ABCA9: variants seen among roughly 807,000 people sequenced by gnomAD.
ABCA9 encodes ATP-binding cassette sub-family A member 9.
In ABCA9, 183 loss-of-function variants were observed where a neutral mutation model predicts 205.3. The observed-to-expected ratio is 0.89, with a 90% CI of 0.79 to 1.01. The LOEUF (loss-of-function observed/expected upper bound fraction) is 1.01, where lower values mean the gene tolerates loss of function less well. ABCA9 is among the 50% of genes least tolerant of loss of function. The pLI is 0.00. For missense variants in ABCA9, 1,805 were observed against 1,912.4 expected (o/e 0.94, Z 1.05); for synonymous variants, 651 against 683.3 (o/e 0.95, Z 0.74).
In ABCA9 at chr17:69,049,412, G is replaced by A; in HGVS notation, c.175C>T (p.Gln59Ter). 6.2e-7 allele frequency: 1 copy of A among 1,613,068 alleles called. No homozygotes were observed. The highest frequency in any genetic ancestry group is 2.2e-5 in the East Asian group (1 of 44,800). Residue 59 changes from glutamine to a stop codon, truncating the protein, a stop_gained, in exon 3 of 39, where the codon CAA becomes TAA. Transcript: ENST00000340001. LOFTEE classifies it high-confidence loss of function. ...SNLHQVHDTP[Q>*]MSSMDLGRVD... ...CGTCCCAGATCCATTGAAGACATTT[G>A]AGGAGTGTCATGAACTTGATGTAAA...
At chr17:69,017,583 C>G (rs531922573) in intron 21 of ABCA9, 73 bp downstream of exon 21, 1 of 1,527,346 alleles carries the variant, frequency 6.5e-7, no homozygotes, top group East Asian at 2.3e-5. Flanking sequence ...TTTCATTCAG[C>G]TGATATGAAT....
At chr17:69,045,082 T>A (rs2071665963) in intron 4 of ABCA9, 90 bp downstream of exon 4, 2 of 1,030,100 alleles carry the variant, frequency 1.9e-6, no homozygotes, top group Admixed American at 5.0e-5. Context: ...TTGTATATGT[T>A]TGTGTAGTTT....
chr17:68,989,339 A>G (rs899909696), intron 30 of ABCA9, among the ~76,000 whole-genome samples: 4 of 151,660 alleles, frequency 2.6e-5, no homozygotes, highest in Admixed American at 2.0e-4. Flanking sequence ...TGAGGAAGCT[A>G]AGACTTAAAG....
At chr17:68,987,758 GTTTGTTTGTTTT>G (rs71144646) in intron 31 of ABCA9, among the ~76,000 whole-genome samples, 7,354 of 95,476 alleles carry the variant, frequency 0.077, 300 homozygotes, top group Non-Finnish European at 0.13. Flanking sequence ...TTGTTTGTTT[GTTTGTTTGTTTT>G]TTTGTTTGAG....
At chr17:69,053,163 C>T (rs1358506687) in intron 1 of ABCA9, among the ~76,000 whole-genome samples, 2 of 152,198 alleles carry the variant, frequency 1.3e-5, no homozygotes, top group Admixed American at 6.5e-5. Context: ...ATCTCCTCTC[C>T]TCTTCCTGGA....
Position 68,992,198 on chromosome 17 carries a change from T to C in ABCA9, c.3693A>G (p.Leu1231=). The change falls in exon 28 of 39, where the codon CTA becomes CTG. Residue 1231 remains leucine (L), a synonymous_variant. Transcript: ENST00000340001. ...ACCTGAACACAGGATCCTTTCTCAT[T>C]AGTTTCTTCCTGCAGTTCATTTCTA... is the stretch of plus-strand genomic sequence containing the variant. ...RCLEMNCRKK[L]MRKDPVFRIS... 1 of 1,598,650 alleles carries C rather than the reference T, an allele frequency of 6.3e-7. No individual in the cohort carries two copies. The highest frequency in any genetic ancestry group is 8.5e-7 in the Non-Finnish European group (1 of 1,171,770).
intron 6 of ABCA9, among the ~76,000 whole-genome samples, chr17:69,036,170 G>C (rs1456853908): frequency 6.6e-6 from 1 of 152,118 alleles, no homozygotes; most frequent in Non-Finnish European, 1.5e-5. Context: ...AGATAATGGA[G>C]CAGGGTTCAG....
chr17:69,011,461 C>T (rs1488181129), intron 23 of ABCA9, among the ~76,000 whole-genome samples: 1 of 152,158 alleles, frequency 6.6e-6, no homozygotes, highest in Non-Finnish European at 1.5e-5. Context: ...ATGTCCTGAG[C>T]ATCAGTGGAT....
rs1471644439 is a variant in ABCA9, at chr17:69,035,408, A to G, written c.966T>C (p.Ser322=). The change falls in exon 8 of 39, where the codon AGT becomes AGC. Residue 322 remains serine (S), a synonymous_variant. Coordinates refer to ENST00000340001, the MANE Select transcript of ABCA9 (RefSeq NM_080283.4). ...LSLITLAFLM[S]VLIKKPFLTG... Reference sequence around the variant, plus strand: ...TAAGGAAAGGTTTCTTTATCAACACACTCATCAGGAAAGCTAAAGTTATCT... The same window carrying G: ...TAAGGAAAGGTTTCTTTATCAACACGCTCATCAGGAAAGCTAAAGTTATCT... 1 of 1,596,822 alleles carries G rather than the reference A, an allele frequency of 6.3e-7. No homozygotes were observed. The highest frequency in any genetic ancestry group is 8.5e-7 in the Non-Finnish European group (1 of 1,172,966).
chr17:68,976,749 C>G (rs1374029877), intron 37 of ABCA9, among the ~76,000 whole-genome samples: 1 of 152,218 alleles, frequency 6.6e-6, no homozygotes, highest in Non-Finnish European at 1.5e-5. Flanking sequence ...GGTAACACTT[C>G]TATTGTTTCT....
chr17:69,074,913 G>A, the ABCA9 span, among the ~76,000 whole-genome samples: 3 of 152,026 alleles, frequency 2.0e-5, no homozygotes, highest in African/African-American at 7.2e-5. Flanking sequence ...GGTATCTGCT[G>A]TTTTTTAATT....
chr17:69,066,979 G>C, the ABCA9 span, among the ~76,000 whole-genome samples: 6 of 152,220 alleles, frequency 3.9e-5, no homozygotes, highest in East Asian at 9.7e-4. Context: ...TGATGGATCA[G>C]GAAAGGCATC....
rs775791398 is a variant in ABCA9, at chr17:69,045,178, G to C, written c.463C>G (p.His155Asp). The C allele has an allele frequency of 1.2e-5, 20 of 1,610,554 alleles. No individual in the cohort carries two copies. The highest frequency in any genetic ancestry group is 1.6e-5 in the Non-Finnish European group (19 of 1,178,784). Residue 155 changes from histidine (H) to aspartate (D), a missense_variant, in exon 4 of 39, where the codon CAT becomes GAT. Coordinates refer to ENST00000340001, the MANE Select transcript of ABCA9 (RefSeq NM_080283.4). Reference sequence around the variant, plus strand: ...TTTCTTCTTCAAAAGTTACCTGAATGGTCTCTGTGCTCTTTCATCATGGGG... The same window carrying C: ...TTTCTTCTTCAAAAGTTACCTGAATCGTCTCTGTGCTCTTTCATCATGGGG... ...RIPMMKEHRD[H>D]SAHCQAVNEK... is the part of the protein sequence containing the mutation.
At position 69,024,373 on chromosome 17, in the gene ABCA9, A is replaced by G; in HGVS notation, c.2142-20T>C. The G allele has an allele frequency of 1.3e-6, 2 of 1,544,172 alleles. No individual in the cohort carries two copies. The highest frequency in any genetic ancestry group is 1.7e-6 in the Non-Finnish European group (2 of 1,146,216). On this transcript the variant is annotated intron_variant, in intron 16 of 38. Transcript: ENST00000340001. ...TGCAAACTAACATTTAAAAAGAATA[A>G]AAGTTATTTTTATCCAACTGTGTCT...
chr17:69,004,949 C>T (rs1167260717), intron 25 of ABCA9, among the ~76,000 whole-genome samples: 5 of 152,204 alleles, frequency 3.3e-5, no homozygotes, highest in Non-Finnish European at 7.3e-5. Flanking sequence ...TTGCGCTTCC[C>T]GAGTGAGGCA....
intron 6 of ABCA9, among the ~76,000 whole-genome samples, chr17:69,041,246 T>A (rs2071523252): frequency 6.6e-6 from 1 of 152,176 alleles, no homozygotes; most frequent in African/African-American, 2.4e-5. Flanking sequence ...TGTTCATCTA[T>A]ATTCTATAAA....
the ABCA9 span, among the ~76,000 whole-genome samples, chr17:69,075,941 T>G: frequency 6.6e-6 from 1 of 152,238 alleles, no homozygotes; most frequent in East Asian, 1.9e-4. Flanking sequence ...TTCACCTCCT[T>G]GGTTAGATAA....
intron 1 of ABCA9, among the ~76,000 whole-genome samples, chr17:69,053,529 A>C (rs1192768671): frequency 1.3e-5 from 2 of 152,182 alleles, no homozygotes; most frequent in African/African-American, 4.8e-5. Context: ...ACCAAAAATA[A>C]ATGCCTAATA....
intron 8 of ABCA9, among the ~76,000 whole-genome samples, 173 bp from the exon 9 acceptor site, chr17:69,034,046 A>T (rs1273356453): frequency 6.6e-6 from 1 of 152,210 alleles, no homozygotes; most frequent in Non-Finnish European, 1.5e-5. Context: ...AAGTGATGTC[A>T]ATTTGGGAAA....
Sources: gnomAD v4.1 joint callset for allele counts (sites outside exome capture counted in the v4.1 genomes callset) on GRCh38, gnomAD v4.1.1 for gene constraint, MANE v1.5 for transcripts, NCBI Gene and HGNC (gene_info 2026-07-23, HGNC 2026-07-21) for gene names.